ATP6V0E1: variants seen among roughly 807,000 people sequenced by gnomAD.
The protein encoded by ATP6V0E1 is ATPase H+ transporting V0 subunit e1, also known as V-type proton ATPase subunit e 1.
Under a neutral mutation model 11.6 loss-of-function variants are expected in ATP6V0E1, and 4 were observed. The observed-to-expected ratio is 0.35, with a 90% CI of 0.17 to 0.79. The LOEUF is 0.79. Ranked by LOEUF, ATP6V0E1 falls within the 30% of genes least tolerant of loss-of-function variation. The pLI is 0.54. For synonymous variants in ATP6V0E1, 36 were observed against 34.8 expected (o/e 1.04, Z -0.13); for missense variants, 105 against 100.0 (o/e 1.05, Z -0.21).
intron 2 of ATP6V0E1, among the ~76,000 whole-genome samples, chr5:173,019,473 G>A (rs992610773): frequency 1.3e-5 from 2 of 151,860 alleles, no homozygotes; most frequent in Middle Eastern, 3.4e-3. Flanking sequence ...GAGAATGGGT[G>A]AACTCGGGAG....
chr5:173,030,480 G>A (rs1334254576), intron 3 of ATP6V0E1, among the ~76,000 whole-genome samples: 1 of 127,512 alleles, frequency 7.8e-6, no homozygotes, highest in African/African-American at 3.0e-5. Flanking sequence ...TCACTCTGTT[G>A]CCCAGGCTGG....
chr5:173,026,494 G>A (rs1756560156), intron 3 of ATP6V0E1, among the ~76,000 whole-genome samples: 1 of 152,094 alleles, frequency 6.6e-6, no homozygotes, highest in African/African-American at 2.4e-5. Context: ...TTCATATTTT[G>A]TAAAGATTAA....
intron 2 of ATP6V0E1, among the ~76,000 whole-genome samples, chr5:173,008,060 A>C (rs1756255848): frequency 1.3e-5 from 2 of 152,206 alleles, no homozygotes; most frequent in South Asian, 4.1e-4. Flanking sequence ...TCTCACACCC[A>C]CTCCGCGACC....
chr5:173,024,694 A>T (rs960755159), intron 3 of ATP6V0E1, among the ~76,000 whole-genome samples: 1 of 152,130 alleles, frequency 6.6e-6, no homozygotes, highest in East Asian at 1.9e-4. Flanking sequence ...TGCCTGGGGT[A>T]ATTAAGCATA....
chr5:172,987,078 G>A lies in ATP6V0E1; in HGVS notation c.104+3114G>A, dbSNP rs142857848. ...TAGAATTACAGGCATGAGCCACCAC[G>A]CCCGGCTGGAAGATACATTTTTTAA... is the stretch of plus-strand genomic sequence containing the variant. On this transcript the variant is annotated intron_variant, in intron 1 of 3. Transcript: ENST00000519374. The A allele has an allele frequency of 2.2e-4, 42 of 191,482 alleles. No individual in the cohort carries two copies. In the East Asian group the frequency reaches 7.1e-3, roughly 33 times the overall value. The allele number at this position is 191,482 out of a possible 1,614,324, so 11.9% of individuals were successfully genotyped here. A position where few individuals can be genotyped will look rare whatever the true frequency, so the allele number is the denominator to read the frequency against.
At chr5:172,998,190 CTTTTTTTTT>C (rs999790390) in intron 2 of ATP6V0E1, among the ~76,000 whole-genome samples, 21 of 104,888 alleles carry the variant, frequency 2.0e-4, no homozygotes, top group African/African-American at 7.5e-4. Flanking sequence ...AAAATTTAGT[CTTTTTTTTT>C]TTTTTTTTTT....
Position 173,034,422 on chromosome 5 carries a change from A to G in ATP6V0E1, c.*60A>G. 1.4e-6 allele frequency: 1 copy of G among 703,040 alleles called. No homozygotes were observed. Among genetic ancestry groups the G allele is most frequent in the Non-Finnish European group, 2.6e-6 (1 of 384,996 alleles). The allele number at this position is 703,040 out of a possible 1,614,324, so 43.6% of individuals were successfully genotyped here. Reference sequence around the variant, plus strand: ...AGGTCACGAGAAGAGAATGCCTTCTAGATGCAAAATCACCTCCAAACCAGA... The same window carrying G: ...AGGTCACGAGAAGAGAATGCCTTCTGGATGCAAAATCACCTCCAAACCAGA... On this transcript the variant is annotated 3_prime_UTR_variant, in exon 4 of 4. Coordinates refer to ENST00000519374, the MANE Select transcript of ATP6V0E1 (RefSeq NM_003945.4).
At chr5:173,008,591 G>GT (rs1756264050) in intron 2 of ATP6V0E1, among the ~76,000 whole-genome samples, 1 of 146,066 alleles carries the variant, frequency 6.8e-6, no homozygotes, top group East Asian at 2.2e-4. Flanking sequence ...GAGCCACCGT[G>GT]CCCAGCCGAG....
At chr5:173,001,121 C>T (rs1195238732) in intron 2 of ATP6V0E1, among the ~76,000 whole-genome samples, 1 of 152,104 alleles carries the variant, frequency 6.6e-6, no homozygotes. Flanking sequence ...TTCATTCATT[C>T]AACATATATT....
chr5:173,033,310 G>A (rs762778223), intron 3 of ATP6V0E1, among the ~76,000 whole-genome samples: 9 of 152,126 alleles, frequency 5.9e-5, no homozygotes, highest in Admixed American at 5.2e-4. Context: ...TGATCTTCCC[G>A]CCTTGGCGTC....
chr5:173,023,183 T>TTTTA (rs897867824), intron 3 of ATP6V0E1, among the ~76,000 whole-genome samples: 8 of 68,488 alleles, frequency 1.2e-4, no homozygotes, highest in Non-Finnish European at 1.9e-4. Context: ...CCAGTTCTAT[T>TTTTA]TTTATTTATT....
chr5:173,006,668 C>T (rs181184423), intron 2 of ATP6V0E1, among the ~76,000 whole-genome samples: 58 of 152,292 alleles, frequency 3.8e-4, no homozygotes, highest in African/African-American at 1.3e-3. Context: ...TGGGCCTTGT[C>T]CACTGTTTGC....
At chr5:173,015,418 T>A (rs1420324219) in intron 2 of ATP6V0E1, among the ~76,000 whole-genome samples, 1 of 152,196 alleles carries the variant, frequency 6.6e-6, no homozygotes, top group African/African-American at 2.4e-5. Flanking sequence ...GGCAGCCCCT[T>A]GGTAGCTCCA....
intron 3 of ATP6V0E1, chr5:173,020,568 A>C (rs1756463583): frequency 1.8e-6 from 1 of 557,472 alleles, no homozygotes; most frequent in Non-Finnish European, 3.3e-6. Flanking sequence ...AGATTCTGCT[A>C]TCACCCTGCC....
chr5:172,989,247 G>A (rs1755944430), intron 1 of ATP6V0E1, among the ~76,000 whole-genome samples: 1 of 152,100 alleles, frequency 6.6e-6, no homozygotes, highest in African/African-American at 2.4e-5. Context: ...GGCTGGGTGG[G>A]TGGATTGTTT....
intron 2 of ATP6V0E1, among the ~76,000 whole-genome samples, chr5:173,006,527 G>A (rs1195805043): frequency 3.3e-5 from 5 of 152,096 alleles, no homozygotes; most frequent in East Asian, 3.9e-4. Context: ...GGAGAATGGC[G>A]TGAACCCGGG....
chr5:173,020,848 G>A (rs1177095003), intron 3 of ATP6V0E1: 2 of 520,022 alleles, frequency 3.8e-6, no homozygotes, highest in Admixed American at 1.9e-5. Flanking sequence ...TCTGGCACTG[G>A]TGCAAGACAG....
At chr5:173,001,519 G>A (rs1442024540) in intron 2 of ATP6V0E1, among the ~76,000 whole-genome samples, 1 of 151,982 alleles carries the variant, frequency 6.6e-6, no homozygotes, top group Non-Finnish European at 1.5e-5. Context: ...TGGCCTTTCT[G>A]GGTCCTGGCT....
intron 1 of ATP6V0E1, among the ~76,000 whole-genome samples, chr5:172,992,970 T>A: frequency 6.6e-6 from 1 of 151,746 alleles, no homozygotes; most frequent in East Asian, 2.0e-4. Flanking sequence ...GCTAATTTTT[T>A]TGTATTTTTA....
Sources: allele counts gnomAD v4.1 joint callset (sites outside exome capture counted in the v4.1 genomes callset), GRCh38; gene constraint gnomAD v4.1.1; transcripts MANE v1.5; gene names NCBI Gene and HGNC (gene_info 2026-07-23, HGNC 2026-07-21).